Variants in RBFOX1 observed in about 807,000 individuals in gnomAD.
The protein encoded by RBFOX1 is RNA binding protein fox-1 homolog 1.
In RBFOX1, 8 loss-of-function variants were observed where a neutral mutation model predicts 57.7. The ratio of observed to expected loss-of-function variants is 0.14; its 90% CI spans 0.08 to 0.25. RBFOX1 has a LOEUF of 0.25. RBFOX1 is among the 10% of genes least tolerant of loss of function. The probability of loss-of-function intolerance (pLI) is 1.00; values close to 1 mark genes in which losing one functional copy is unlikely to be tolerated. For missense variants in RBFOX1, 611 were observed against 548.5 expected, an observed-to-expected ratio of 1.11 and a Z score of -1.14; for synonymous variants, 326 against 222.4, an observed-to-expected ratio of 1.47 and a Z score of -4.15.
intron 2 of RBFOX1, among the ~76,000 whole-genome samples, chr16:6,649,470 G>A (rs1458957061): frequency 1.3e-5 from 2 of 152,130 alleles, no homozygotes; most frequent in African/African-American, 4.8e-5. Flanking sequence ...CATCACCCAA[G>A]CAGTGTACAC....
At chr16:6,048,173 A>G (rs1300131564) in intron 1 of RBFOX1, among the ~76,000 whole-genome samples, 1 of 152,172 alleles carries the variant, frequency 6.6e-6, no homozygotes, top group East Asian at 1.9e-4. Flanking sequence ...AGGTATTATG[A>G]TCCTCATTGT....
chr16:7,187,614 G>A lies in RBFOX1; in HGVS notation c.27+135516G>A, dbSNP rs1379785592. 1.1e-4 allele frequency among the ~76,000 whole-genome samples: 15 copies of A among 138,748 alleles called. No homozygotes were observed. In the East Asian group the frequency reaches 1.9e-3, roughly 18 times the overall value. 91.0% of individuals were successfully genotyped at this position (138,748 alleles called of 152,430 possible). On this transcript the variant is annotated intron_variant, in intron 4 of 15. Coordinates refer to ENST00000550418, the MANE Select transcript of RBFOX1 (RefSeq NM_018723.4). Reference sequence around the variant, plus strand: ...TGAGGCAGGAGAATGGTGTGAACCCGGGAGGCAGAGCTTGCAGTGAGCCGA... The same window carrying A: ...TGAGGCAGGAGAATGGTGTGAACCCAGGAGGCAGAGCTTGCAGTGAGCCGA...
At chr16:6,561,302 G>C (rs921629567) in intron 2 of RBFOX1, among the ~76,000 whole-genome samples, 8 of 152,108 alleles carry the variant, frequency 5.3e-5, no homozygotes, top group African/African-American at 1.9e-4. Context: ...AATGTTCCAT[G>C]GTTTCAGAAT....
At chr16:6,635,120 T>C (rs975934582) in intron 2 of RBFOX1, among the ~76,000 whole-genome samples, 1 of 146,728 alleles carries the variant, frequency 6.8e-6, no homozygotes, top group Admixed American at 6.8e-5. Flanking sequence ...TATATGTAAG[T>C]ATACATTATG....
At chr16:7,492,966 C>T (rs1370914789) in intron 4 of RBFOX1, among the ~76,000 whole-genome samples, 1 of 152,148 alleles carries the variant, frequency 6.6e-6, no homozygotes, top group Non-Finnish European at 1.5e-5. Context: ...GCAACCTCCG[C>T]CTCCCAGGTT....
chr16:5,794,205 A>G (rs2054798815), intron 3 of RBFOX1, among the ~76,000 whole-genome samples: 1 of 152,190 alleles, frequency 6.6e-6, no homozygotes, highest in Non-Finnish European at 1.5e-5. Flanking sequence ...TGAGCATTGC[A>G]TGGAAACGTA....
chr16:6,846,086 G>T (rs527808650), intron 3 of RBFOX1, among the ~76,000 whole-genome samples: 1 of 152,132 alleles, frequency 6.6e-6, no homozygotes. Context: ...TCATATTTCT[G>T]TACCACTAAA....
chr16:6,583,451 C>T (rs2097565248), intron 2 of RBFOX1, among the ~76,000 whole-genome samples: 1 of 152,240 alleles, frequency 6.6e-6, no homozygotes, highest in Non-Finnish European at 1.5e-5. Flanking sequence ...GGGAGCATCT[C>T]ACACTAGCCC....
chr16:7,135,686 C>T (rs1263444144), intron 4 of RBFOX1, among the ~76,000 whole-genome samples: 2 of 152,236 alleles, frequency 1.3e-5, no homozygotes, highest in East Asian at 3.8e-4. Context: ...TTCATTCCAA[C>T]AAGAGATAAG....
intron 2 of RBFOX1, among the ~76,000 whole-genome samples, chr16:6,466,699 A>G (rs1004411273): frequency 6.6e-6 from 1 of 152,156 alleles, no homozygotes; most frequent in African/African-American, 2.4e-5. Flanking sequence ...CATCCTTTCA[A>G]TCATGTTTCT....
intron 1 of RBFOX1, among the ~76,000 whole-genome samples, chr16:6,143,959 C>CCATATATATATATATATATA (rs71404590): frequency 7.1e-6 from 1 of 139,962 alleles, no homozygotes; most frequent in African/African-American, 2.8e-5. Flanking sequence ...CCATACTCAG[C>CCATATATATATATATATATA]TATATATATA....
rs568274610 is a variant in RBFOX1 at position 6,929,970 on chromosome 16, T to A, written c.-15-122087T>A. Among the ~76,000 whole-genome samples the A allele has an allele frequency of 7.2e-5, 11 of 152,290 alleles. No individual in the cohort carries two copies. In the East Asian group the frequency reaches 2.1e-3, roughly 29 times the overall value. ...ATAGTTCGTCAGGAATCAGAATGAC[T>A]GGCAAACCTGTCCAGGAAGTAATAG... is the stretch of plus-strand genomic sequence containing the variant. On this transcript the variant is annotated intron_variant, in intron 3 of 15. Coordinates refer to ENST00000550418, the MANE Select transcript of RBFOX1 (RefSeq NM_018723.4).
intron 2 of RBFOX1, among the ~76,000 whole-genome samples, chr16:6,586,784 C>T (rs1303647031): frequency 6.6e-6 from 1 of 152,180 alleles, no homozygotes; most frequent in Admixed American, 6.5e-5. Context: ...GTTGCTTACC[C>T]ATCCTAAGAA....
chr16:6,580,546 A>T (rs987907555), intron 2 of RBFOX1, among the ~76,000 whole-genome samples: 1 of 152,048 alleles, frequency 6.6e-6, no homozygotes, highest in African/African-American at 2.4e-5. Context: ...TAATGAAAAA[A>T]TAAATACACG....
intron 4 of RBFOX1, among the ~76,000 whole-genome samples, chr16:7,393,422 C>G (rs998914176): frequency 7.9e-5 from 12 of 152,152 alleles, no homozygotes; most frequent in Non-Finnish European, 1.6e-4. Flanking sequence ...ATATTACACT[C>G]AAGTACACAC....
intron 4 of RBFOX1, among the ~76,000 whole-genome samples, chr16:7,102,874 A>T (rs912764294): frequency 6.6e-6 from 1 of 152,128 alleles, no homozygotes; most frequent in East Asian, 1.9e-4. Flanking sequence ...TCCAAAACGC[A>T]TGCACTTCAA....
intron 3 of RBFOX1, among the ~76,000 whole-genome samples, chr16:6,750,918 A>T (rs1428322653): frequency 6.6e-6 from 1 of 152,194 alleles, no homozygotes; most frequent in African/African-American, 2.4e-5. Flanking sequence ...TTAGTGGGCT[A>T]GGGAAGTGCT....
At chr16:5,250,338 G>T (rs1025723750) in intron 1 of RBFOX1, among the ~76,000 whole-genome samples, 3 of 152,038 alleles carry the variant, frequency 2.0e-5, no homozygotes, top group African/African-American at 7.2e-5. Context: ...CATGTGCCAT[G>T]GTGGTTTACT....
At chr16:7,055,745 TTTAC>T (rs2051972147) in intron 4 of RBFOX1, among the ~76,000 whole-genome samples, 2 of 152,096 alleles carry the variant, frequency 1.3e-5, no homozygotes, top group South Asian at 2.1e-4. Flanking sequence ...AAAAGTAGGA[TTTAC>T]TTAAACTGGA....
Sources: gnomAD v4.1 joint callset for allele counts (sites outside exome capture counted in the v4.1 genomes callset) on GRCh38, gnomAD v4.1.1 for gene constraint, MANE v1.5 for transcripts, NCBI Gene and HGNC (gene_info 2026-07-23, HGNC 2026-07-21) for gene names.